LHX5: variants seen among roughly 807,000 people sequenced by gnomAD.
The protein encoded by LHX5 is LIM homeobox 5, also known as LIM/homeobox protein Lhx5.
In LHX5, 5 loss-of-function variants were observed where a neutral mutation model predicts 30.6. The observed-to-expected ratio is 0.16, with a 90% CI of 0.09 to 0.34. The LOEUF (loss-of-function observed/expected upper bound fraction) is 0.34, where lower values mean the gene tolerates loss of function less well. Among genes scored for constraint, LHX5 ranks in the 10% least tolerant of loss-of-function variants. The probability of loss-of-function intolerance (pLI) is 1.00; values close to 1 mark genes in which losing one functional copy is unlikely to be tolerated. For synonymous variants in LHX5, 266 were observed against 252.6 expected (o/e 1.05, Z -0.50); for missense variants, 458 against 570.6 (o/e 0.80, Z 2.01).
intron 1 of LHX5, among the ~76,000 whole-genome samples, chr12:113,469,938 G>A (rs898455857): frequency 2.6e-5 from 4 of 152,204 alleles, no homozygotes; most frequent in Non-Finnish European, 5.9e-5. Flanking sequence ...TCTGGGACCC[G>A]CTGGAGCTAA....
intron 1 of LHX5, 63 bp from the exon 2 acceptor site, chr12:113,469,408 A>G: frequency 6.9e-7 from 1 of 1,456,720 alleles, no homozygotes; most frequent in Non-Finnish European, 9.3e-7. Flanking sequence ...CCAGCCCCTG[A>G]CCTCTTCCCA....
In LHX5 at chr12:113,466,608, A is replaced by G. The variant is rs1262054906; in HGVS notation, c.841+648T>C. On this transcript the variant is annotated intron_variant, in intron 4 of 4. Coordinates refer to ENST00000261731, the MANE Select transcript of LHX5 (RefSeq NM_022363.3). The surrounding 1 kb of genome is among the most constrained non-coding windows in gnomAD (Gnocchi z 6.5). ...GTGGACTACAGTCCTGCCCAGAGCAACTGCCGGCATTTGGGCTAACACTGC... is the reference window on the plus strand; with the variant it reads ...GTGGACTACAGTCCTGCCCAGAGCAGCTGCCGGCATTTGGGCTAACACTGC... Among the ~76,000 whole-genome samples, 2 of 152,306 alleles carry G rather than the reference A, an allele frequency of 1.3e-5. No individual in the cohort carries two copies. Among genetic ancestry groups the G allele is most frequent in the African/African-American group, 4.8e-5 (2 of 41,582 alleles).
Position 113,462,653 on chromosome 12 carries a change from TC to T in LHX5, c.*536del, listed in dbSNP as rs1958182085. 2.0e-5 allele frequency: 3 copies of T among 152,132 alleles called. No individual in the cohort carries two copies. Among genetic ancestry groups the T allele is most frequent in the Admixed American group, 2.0e-4 (3 of 15,274 alleles). 9.4% of individuals were successfully genotyped at this position (152,132 alleles called of 1,614,324 possible). A position where few individuals can be genotyped will look rare whatever the true frequency, so the allele number is the denominator to read the frequency against. On this transcript the variant is annotated 3_prime_UTR_variant, in exon 5 of 5. Coordinates refer to ENST00000261731, the MANE Select transcript of LHX5 (RefSeq NM_022363.3). ...TTCTCCCTCTGGCTGACGCTGTCTCTCCATCTCCTCCTCATCTTGCCCCCTT... is the reference window on the plus strand; with the variant it reads ...TTCTCCCTCTGGCTGACGCTGTCTCTCATCTCCTCCTCATCTTGCCCCCTT...
chr12:113,471,466 G>A lies in LHX5; in HGVS notation c.33C>T (p.Pro11=), dbSNP rs897376357. ...CGTTCAGCAGAAAGCGGTCGAGGAT[G>A]GGCCGCTCGCAACCGGCGCAGTGCA... MMVHCAGCER[P]ILDRFLLNVL... is the part of the protein sequence containing the mutation. Residue 11 remains proline, a synonymous_variant, in exon 1 of 5, where the codon CCC becomes CCT. Coordinates refer to ENST00000261731, the MANE Select transcript of LHX5 (RefSeq NM_022363.3). 1.2e-5 allele frequency: 19 copies of A among 1,609,984 alleles called. No homozygotes were observed. The highest frequency in any genetic ancestry group is 1.4e-5 in the Non-Finnish European group (17 of 1,178,366).
rs541533041 is a variant in LHX5 at position 113,464,026 on chromosome 12, A to G, written c.842-469T>C. On this transcript the variant is annotated intron_variant, in intron 4 of 4. Transcript: ENST00000261731. The surrounding 1 kb of genome is among the most constrained non-coding windows in gnomAD (Gnocchi z 6.2). ...GAGAGATCGGCAGAGGGGCAGAGAG[A>G]AAGGCGGAAAAGAGACCCAGAGACG... is the stretch of plus-strand genomic sequence containing the variant. 6.6e-6 allele frequency among the ~76,000 whole-genome samples: 1 copy of G among 152,202 alleles called. No individual in the cohort carries two copies. Among genetic ancestry groups the G allele is most frequent in the African/African-American group, 2.4e-5 (1 of 41,534 alleles).
At position 113,468,399 on chromosome 12, in the gene LHX5, A is replaced by T; in HGVS notation, c.403T>A (p.Ser135Thr). 2 of 1,607,376 alleles carry T rather than the reference A, an allele frequency of 1.2e-6. No individual in the cohort carries two copies. Among genetic ancestry groups the T allele is most frequent in the Middle Eastern group, 1.7e-4 (1 of 6,036 alleles). The part of the protein sequence containing the change: ...LKEGSLNSVS[S>T]CTDRSLSPDL... ...GGGGACAAACTGCGGTCCGTACAGG[A>T]TGACACTGCGGGCGGACGGATCGGG... Residue 135 changes from serine (S) to threonine (T), a missense_variant, in exon 3 of 5, where the codon TCC becomes ACC. Ser to Thr is a moderately conservative substitution (Grantham distance 58). Around this residue, in one of 3 missense-constraint regions of LHX5, gnomAD observed 178 missense variants for 238.5 expected, o/e 0.75. Transcript: ENST00000261731.
In LHX5 at chr12:113,471,487, G is replaced by T; in HGVS notation, c.12C>A (p.His4Gln). Reference protein sequence around the residue: MMVHCAGCERPILD... With the variant: MMVQCAGCERPILD... ...GGATGGGCCGCTCGCAACCGGCGCA[G>T]TGCACCATCATAGCCCCGCGCCCCG... is the stretch of plus-strand genomic sequence containing the variant. The change falls in exon 1 of 5, where the codon CAC becomes CAA. Residue 4 changes from histidine to glutamine, a missense_variant. Physicochemically the swap from His to Gln is conservative, Grantham distance 24. Coordinates refer to ENST00000261731, the MANE Select transcript of LHX5 (RefSeq NM_022363.3). 1 of 1,604,686 alleles carries T rather than the reference G, an allele frequency of 6.2e-7. No individual in the cohort carries two copies. Among genetic ancestry groups the T allele is most frequent in the Middle Eastern group, 1.7e-4 (1 of 5,904 alleles).
In LHX5 at chr12:113,465,388, G is replaced by A. The variant is rs770891423; in HGVS notation, c.842-1831C>T. Among the ~76,000 whole-genome samples the A allele has an allele frequency of 2.0e-5, 3 of 152,200 alleles. No individual in the cohort carries two copies. Among genetic ancestry groups the A allele is most frequent in the Admixed American group, 6.5e-5 (1 of 15,288 alleles). ...CGCCCATATGGCGGCCGGGCCGGAG[G>A]TAATTGGAACAAACGCCGTCTGAAA... On this transcript the variant is annotated intron_variant, in intron 4 of 4. Transcript: ENST00000261731. The surrounding 1 kb of genome is among the most constrained non-coding windows in gnomAD (Gnocchi z 6.7).
At chr12:113,469,460 A>G in intron 1 of LHX5, 115 bp from the exon 2 acceptor site, 1 of 899,996 alleles carries the variant, frequency 1.1e-6, no homozygotes, top group Non-Finnish European at 1.7e-6. Context: ...CATATCTGTC[A>G]AACGGAACCC....
Position 113,468,301 on chromosome 12 carries a change from G to A in LHX5, c.501C>T (p.Ala167=). 6.2e-7 allele frequency: 1 copy of A among 1,614,176 alleles called. No homozygotes were observed. Among genetic ancestry groups the A allele is most frequent in the Non-Finnish European group, 8.5e-7 (1 of 1,179,974 alleles). Residue 167 remains alanine (A), a synonymous_variant, in exon 3 of 5, where the codon GCC becomes GCT. Transcript: ENST00000261731. The part of the protein sequence containing the change: ...DNSTSSDKET[A]NNENEEQNSG... ...AGTTCTGCTCCTCGTTCTCGTTGTT[G>A]GCCGTCTCCTTGTCCGACGAGGTCG...
chr12:113,468,458 C>T (rs929721457), intron 2 of LHX5, 54 bp from the exon 3 acceptor site: 76 of 1,541,790 alleles, frequency 4.9e-5, no homozygotes, highest in Non-Finnish European at 6.2e-5. Flanking sequence ...GGCCAGACGC[C>T]TCTTCAGTCC....
rs1958225047 is a variant in LHX5 at position 113,467,980 on chromosome 12, G to A, written c.675+147C>T. On this transcript the variant is annotated intron_variant, in intron 3 of 4. Transcript: ENST00000261731. This position sits in a 1 kb window ranked among gnomAD's most constrained non-coding sequence, Gnocchi z 6.3. ...CTTTCGGTTCACAGTCCCCGACCTC[G>A]GGCAAGTGCCCCACTCGGGCGCACG... is the stretch of plus-strand genomic sequence containing the variant. The A allele has an allele frequency of 8.7e-7, 1 of 1,145,436 alleles. No individual in the cohort carries two copies. The highest frequency in any genetic ancestry group is 1.2e-6 in the Non-Finnish European group (1 of 837,150). 71.0% of individuals were successfully genotyped at this position (1,145,436 alleles called of 1,614,324 possible).
rs1237520544 is a variant in LHX5, at chr12:113,468,250, G to A, written c.552C>T (p.Arg184=). 1.1e-5 allele frequency: 18 copies of A among 1,613,964 alleles called. No individual in the cohort carries two copies. The highest frequency in any genetic ancestry group is 1.5e-5 in the Non-Finnish European group (18 of 1,179,954). ...QNSGTKRRGP[R]TTIKAKQLET... Reference sequence around the variant, plus strand: ...CCAGCTGCTTGGCCTTGATGGTGGTGCGGGGGCCGCGCCGCTTGGTGCCCG... The same window carrying A: ...CCAGCTGCTTGGCCTTGATGGTGGTACGGGGGCCGCGCCGCTTGGTGCCCG... The change falls in exon 3 of 5, where the codon CGC becomes CGT. Residue 184 remains arginine, a synonymous_variant. Transcript: ENST00000261731.
Position 113,465,044 on chromosome 12 carries a change from C to T in LHX5, c.842-1487G>A, listed in dbSNP as rs1958204181. On this transcript the variant is annotated intron_variant, in intron 4 of 4. Transcript: ENST00000261731. This position sits in a 1 kb window ranked among gnomAD's most constrained non-coding sequence, Gnocchi z 6.7. ...AGCCTGAGTCTCTTCTGCAAATCCA[C>T]TCCCCCTGCTGAGTCCTGGGATCTC... Among the ~76,000 whole-genome samples the T allele has an allele frequency of 6.6e-6, 1 of 152,196 alleles. No homozygotes were observed. Among genetic ancestry groups the T allele is most frequent in the Non-Finnish European group, 1.5e-5 (1 of 68,034 alleles).
In LHX5 at chr12:113,471,751, C is replaced by T. The variant is rs1468055297; in HGVS notation, c.-253G>A. 6 of 458,920 alleles carry T rather than the reference C, an allele frequency of 1.3e-5. No homozygotes were observed. The highest frequency in any genetic ancestry group is 2.3e-5 in the Non-Finnish European group (6 of 261,648). The allele number at this position is 458,920 out of a possible 1,614,324, so 28.4% of individuals were successfully genotyped here. A position where few individuals can be genotyped will look rare whatever the true frequency, so the allele number is the denominator to read the frequency against. ...GGGCCGCACGCCCCGGCGCCTGTTCCGGGCTTCCCCAGGTATCTCGGGTGG... is the reference window on the plus strand; with the variant it reads ...GGGCCGCACGCCCCGGCGCCTGTTCTGGGCTTCCCCAGGTATCTCGGGTGG... On this transcript the variant is annotated 5_prime_UTR_variant, in exon 1 of 5. Coordinates refer to ENST00000261731, the MANE Select transcript of LHX5 (RefSeq NM_022363.3).
At position 113,471,574 on chromosome 12, in the gene LHX5, G is replaced by T; in HGVS notation, c.-76C>A. On this transcript the variant is annotated 5_prime_UTR_variant, in exon 1 of 5. Coordinates refer to ENST00000261731, the MANE Select transcript of LHX5 (RefSeq NM_022363.3). ...GGCCCTCGGGCCTGCCGGGCCCTCC[G>T]CTGCCCTTCGCCTCTTGTCTCAGCA... 1.5e-6 allele frequency: 2 copies of T among 1,370,570 alleles called. No individual in the cohort carries two copies. The highest frequency in any genetic ancestry group is 2.0e-6 in the Non-Finnish European group (2 of 1,008,420). 84.9% of individuals were successfully genotyped at this position (1,370,570 alleles called of 1,614,324 possible). A position where few individuals can be genotyped will look rare whatever the true frequency, so the allele number is the denominator to read the frequency against.
intron 2 of LHX5, 124 bp downstream of exon 2, chr12:113,468,998 C>T (rs1958230401): frequency 2.5e-5 from 18 of 728,812 alleles, no homozygotes; most frequent in Non-Finnish European, 3.6e-5. Context: ...CCTAGAACTG[C>T]CTGGGGCTGA....
intron 1 of LHX5, among the ~76,000 whole-genome samples, chr12:113,469,765 ATC>A (rs1958236853): frequency 6.6e-6 from 1 of 152,190 alleles, no homozygotes; most frequent in African/African-American, 2.4e-5. Context: ...TGCCTCCTGG[ATC>A]CTTTCTAGTC....
At position 113,463,778 on chromosome 12, in the gene LHX5, G is replaced by A. The variant is rs1176855767; in HGVS notation, c.842-221C>T. Among the ~76,000 whole-genome samples the A allele has an allele frequency of 1.3e-5, 2 of 152,114 alleles. No homozygotes were observed. Among genetic ancestry groups the A allele is most frequent in the Non-Finnish European group, 2.9e-5 (2 of 68,016 alleles). On this transcript the variant is annotated intron_variant, in intron 4 of 4. Coordinates refer to ENST00000261731, the MANE Select transcript of LHX5 (RefSeq NM_022363.3). The surrounding 1 kb of genome is among the most constrained non-coding windows in gnomAD (Gnocchi z 6.7). ...GAGAGACAATGAGAGATCTCGAAAG[G>A]GCAAGAGACTCAGACTGCCAGAGAC...
Sources: gnomAD v4.1 joint callset for allele counts (sites outside exome capture counted in the v4.1 genomes callset) on GRCh38, gnomAD v4.1.1 for gene constraint, gnomAD v4.1.1 regional missense constraint, Gnocchi (gnomAD v3.1) non-coding constraint, MANE v1.5 for transcripts, NCBI Gene and HGNC (gene_info 2026-07-23, HGNC 2026-07-21) for gene names.